ZNF682: variants seen among roughly 807,000 people sequenced by gnomAD.
ZNF682 encodes zinc finger protein 682.
In ZNF682, 29 loss-of-function variants were observed where a neutral mutation model predicts 36.5. That is an observed-to-expected ratio of 0.80 (90% CI 0.59 to 1.08). The LOEUF (loss-of-function observed/expected upper bound fraction) is 1.08, where lower values mean the gene tolerates loss of function less well. ZNF682 is among the 50% of genes least tolerant of loss of function. ZNF682 has a pLI of 0.00. For synonymous variants in ZNF682, 180 were observed against 197.0 expected, an observed-to-expected ratio of 0.91 and a Z score of 0.72; for missense variants, 561 against 579.7, an observed-to-expected ratio of 0.97 and a Z score of 0.33.
intron 3 of ZNF682, among the ~76,000 whole-genome samples, chr19:20,009,513 C>T (rs1446832200): frequency 6.6e-6 from 1 of 152,090 alleles, no homozygotes. Flanking sequence ...CACAGAGATA[C>T]AAGAAATTCA....
rs549538192 is a variant in ZNF682 at position 20,021,944 on chromosome 19, G to A, written c.226+1060C>T. On this transcript the variant is annotated intron_variant, in intron 3 of 3. Coordinates refer to ENST00000397165, the MANE Select transcript of ZNF682 (RefSeq NM_033196.3). ...CCAGCACTTTGGGAGACCGAGGCGG[G>A]TGGATCACCTGAGGTCAGGAGTTCC... 5.9e-5 allele frequency among the ~76,000 whole-genome samples: 9 copies of A among 152,168 alleles called. No homozygotes were observed. In the East Asian group the frequency reaches 1.5e-3, roughly 26 times the overall value.
rs1202063971 is a variant in ZNF682, at chr19:20,039,351, G to C, written c.-6C>G. ...CGGCCTGGCACACTCACCATTTTTC[G>C]GCTTCCGGGATGTCGTGGAGTCTTA... On this transcript the variant is annotated 5_prime_UTR_variant, in exon 1 of 4. Coordinates refer to ENST00000397165, the MANE Select transcript of ZNF682 (RefSeq NM_033196.3). 6.2e-7 allele frequency: 1 copy of C among 1,612,366 alleles called. No individual in the cohort carries two copies. The highest frequency in any genetic ancestry group is 1.7e-4 in the Middle Eastern group (1 of 6,060).
chr19:20,006,995 T>G lies in ZNF682; in HGVS notation c.507A>C (p.Thr169=), dbSNP rs760751301. The change falls in exon 4 of 4, where the codon ACA becomes ACC. Residue 169 remains threonine (T), a synonymous_variant. Coordinates refer to ENST00000397165, the MANE Select transcript of ZNF682 (RefSeq NM_033196.3). The part of the protein sequence containing the change: ...NLNRENIRHT[T]EKLFKCMQCG... Reference sequence around the variant, plus strand: ...ATTGCATACATTTGAAAAGTTTCTCTGTAGTATGTCTTATGTTTTCTCTAT... The same window carrying G: ...ATTGCATACATTTGAAAAGTTTCTCGGTAGTATGTCTTATGTTTTCTCTAT... 6.2e-7 allele frequency: 1 copy of G among 1,613,030 alleles called. No homozygotes were observed. The highest frequency in any genetic ancestry group is 8.5e-7 in the Non-Finnish European group (1 of 1,179,300).
At chr19:20,028,825 T>C (rs2088454712) in intron 1 of ZNF682, among the ~76,000 whole-genome samples, 1 of 152,204 alleles carries the variant, frequency 6.6e-6, no homozygotes. Context: ...ATGCGCTGTG[T>C]GCTCAGAAGC....
chr19:20,039,097 T>C, intron 1 of ZNF682: 1 of 1,369,390 alleles, frequency 7.3e-7, no homozygotes, highest in Non-Finnish European at 9.5e-7. Flanking sequence ...CGCGCGGCTC[T>C]TCCCAGGGTG....
chr19:20,039,398 G>T lies in ZNF682; in HGVS notation c.-53C>A. 1.9e-6 allele frequency: 3 copies of T among 1,607,562 alleles called. No individual in the cohort carries two copies. Among genetic ancestry groups the T allele is most frequent in the Non-Finnish European group, 2.5e-6 (3 of 1,179,044 alleles). On this transcript the variant is annotated 5_prime_UTR_variant, in exon 1 of 4. Coordinates refer to ENST00000397165, the MANE Select transcript of ZNF682 (RefSeq NM_033196.3). ...CTTAGCTCTGGATCTCACAGCATCT[G>T]CAAGTCAGAGGGCAACAGAGGCTGC...
At position 20,039,479 on chromosome 19, in the gene ZNF682, G is replaced by A; in HGVS notation, c.-134C>T. 1 of 1,255,370 alleles carries A rather than the reference G, an allele frequency of 8.0e-7. No homozygotes were observed. 77.8% of individuals were successfully genotyped at this position (1,255,370 alleles called of 1,614,324 possible). ...ATACTAAGCAATGAAGATGGACCCT[G>A]AGCTCTGGCTGGAGCGAGACAAAGG... On this transcript the variant is annotated 5_prime_UTR_variant, in exon 1 of 4. Transcript: ENST00000397165.
chr19:20,017,791 C>A (rs1209070893), intron 3 of ZNF682, among the ~76,000 whole-genome samples: 1 of 152,070 alleles, frequency 6.6e-6, no homozygotes, highest in African/African-American at 2.4e-5. Context: ...TCTGTTAGGA[C>A]ACATAACAAG....
chr19:20,002,778 A>T (rs902035357), downstream of ZNF682, among the ~76,000 whole-genome samples: 5 of 152,164 alleles, frequency 3.3e-5, no homozygotes, highest in Non-Finnish European at 7.3e-5. Context: ...TGATGTAGAG[A>T]CGTAAGAGTT....
In ZNF682 at chr19:20,005,848, T is replaced by A; in HGVS notation, c.*157A>T. On this transcript the variant is annotated 3_prime_UTR_variant, in exon 4 of 4. Coordinates refer to ENST00000397165, the MANE Select transcript of ZNF682 (RefSeq NM_033196.3). ...TCAGCATGAATTTTCTTCTGTGCAA[T>A]AAGCTGTCAGCAATGGTTGAAGACT... 1.3e-6 allele frequency: 1 copy of A among 743,186 alleles called. No homozygotes were observed. The highest frequency in any genetic ancestry group is 2.1e-6 in the Non-Finnish European group (1 of 472,054). The allele number at this position is 743,186 out of a possible 1,614,324, so 46.0% of individuals were successfully genotyped here. A position where few individuals can be genotyped will look rare whatever the true frequency, so the allele number is the denominator to read the frequency against.
intron 1 of ZNF682, among the ~76,000 whole-genome samples, chr19:20,028,242 C>T (rs1467290090): frequency 1.3e-5 from 2 of 152,088 alleles, no homozygotes; most frequent in East Asian, 3.9e-4. Context: ...GAGTCTTACT[C>T]TGTCGCCCAG....
chr19:20,016,865 GAATTT>G lies in ZNF682; in HGVS notation c.226+6134_226+6138del, dbSNP rs201724791. On this transcript the variant is annotated intron_variant, in intron 3 of 3. Coordinates refer to ENST00000397165, the MANE Select transcript of ZNF682 (RefSeq NM_033196.3). Reference sequence around the variant, plus strand: ...GCATAAAACTGAAAATCTTGCCATAGAATTTAATAAACCAAAACACAAATTTGCAT... The same window carrying G: ...GCATAAAACTGAAAATCTTGCCATAGAATAAACCAAAACACAAATTTGCAT... Among the ~76,000 whole-genome samples the G allele has an allele frequency of 6.0e-3, 915 of 152,124 alleles. 9 individuals carry two copies. The highest frequency in any genetic ancestry group is 0.02 in the African/African-American group (849 of 41,528).
chr19:20,017,011 TTA>T (rs1213340545), intron 3 of ZNF682, among the ~76,000 whole-genome samples: 1 of 152,134 alleles, frequency 6.6e-6, no homozygotes, highest in Non-Finnish European at 1.5e-5. Flanking sequence ...AAGCATATTG[TTA>T]TGTTTCATAA....
intron 1 of ZNF682, among the ~76,000 whole-genome samples, chr19:20,031,518 T>C (rs918495769): frequency 3.3e-5 from 5 of 152,354 alleles, no homozygotes; most frequent in African/African-American, 1.2e-4. Context: ...TCCTGTCTCA[T>C]GAGTCCCAGA....
intron 2 of ZNF682, among the ~76,000 whole-genome samples, chr19:20,023,763 C>T (rs984012657): frequency 6.6e-6 from 1 of 151,910 alleles, no homozygotes; most frequent in Non-Finnish European, 1.5e-5. Context: ...GGGTGGATCA[C>T]GTGAGGTCAG....
chr19:19,999,984 T>C (rs751262584), downstream of ZNF682, among the ~76,000 whole-genome samples: 1 of 152,174 alleles, frequency 6.6e-6, no homozygotes, highest in Non-Finnish European at 1.5e-5. Flanking sequence ...AATGGTAAGA[T>C]AAACAAGGTT....
chr19:20,013,348 A>G (rs58841307), intron 3 of ZNF682, among the ~76,000 whole-genome samples: 8,283 of 152,224 alleles, frequency 0.054, 414 homozygotes, highest in East Asian at 0.2. Context: ...AAACATTAAC[A>G]AAATTGAAGA....
At chr19:20,009,973 T>C (rs563900175) in intron 3 of ZNF682, among the ~76,000 whole-genome samples, 15 of 151,736 alleles carry the variant, frequency 9.9e-5, no homozygotes, top group Admixed American at 2.6e-4. Context: ...TGAGCTGAGA[T>C]TGCACCACTG....
intron 1 of ZNF682, among the ~76,000 whole-genome samples, chr19:20,027,833 G>A (rs2088445725): frequency 1.3e-5 from 2 of 151,128 alleles, no homozygotes; most frequent in Admixed American, 6.6e-5. Flanking sequence ...AGAATCACTT[G>A]AGCCCAGGAG....
Sources: allele counts gnomAD v4.1 joint callset (sites outside exome capture counted in the v4.1 genomes callset), GRCh38; gene constraint gnomAD v4.1.1; transcripts MANE v1.5; gene names NCBI Gene and HGNC (gene_info 2026-07-23, HGNC 2026-07-21).